Variants in ADGRL3 observed in about 807,000 individuals in gnomAD.
ADGRL3 encodes adhesion G protein-coupled receptor L3.
ADGRL3 carries 62 observed loss-of-function variants against 153.5 expected under a neutral mutation model. The ratio of observed to expected loss-of-function variants is 0.40; its 90% CI spans 0.33 to 0.50. ADGRL3 has a LOEUF of 0.50. Among genes scored for constraint, ADGRL3 ranks in the 20% least tolerant of loss-of-function variants. The probability of loss-of-function intolerance (pLI) is 0.47; values close to 1 mark genes in which losing one functional copy is unlikely to be tolerated. For synonymous variants in ADGRL3, 710 were observed against 672.5 expected (o/e 1.06, Z -0.86); for missense variants, 1,641 against 1,859.4 (o/e 0.88, Z 2.16).
chr4:61,205,219 C>T (rs1451087894), intron 1 of ADGRL3, among the ~76,000 whole-genome samples: 1 of 152,096 alleles, frequency 6.6e-6, no homozygotes, highest in East Asian at 1.9e-4. Context: ...GGATTTGGAC[C>T]ACTTTAAGTG....
intron 1 of ADGRL3, among the ~76,000 whole-genome samples, chr4:61,365,001 T>A (rs1200129036): frequency 3.3e-5 from 5 of 152,144 alleles, no homozygotes; most frequent in Admixed American, 6.6e-5. Context: ...AGAGGGATCA[T>A]TAAATACTAG....
Position 62,070,855 on chromosome 4 carries a change from A to T in ADGRL3, c.4579A>T (p.Thr1527Ser). 12 of 1,551,512 alleles carry T rather than the reference A, an allele frequency of 7.7e-6. No individual in the cohort carries two copies. Among genetic ancestry groups the T allele is most frequent in the Non-Finnish European group, 1.0e-5 (12 of 1,146,912 alleles). ...GFIVPPNKDG[T>S]PPEGSSKGPA... Reference sequence around the variant, plus strand: ...TATAGTTCCTCCAAACAAAGATGGGACCCCTCCCGAGGGAAGTTCAAAAGG... The same window carrying T: ...TATAGTTCCTCCAAACAAAGATGGGTCCCCTCCCGAGGGAAGTTCAAAAGG... The change falls in exon 27 of 27, where the codon ACC (threonine) becomes TCC (serine). Residue 1527 changes from threonine to serine, a missense_variant. Transcript: ENST00000683033.
At chr4:61,646,077 C>T (rs1376111361) in intron 5 of ADGRL3, among the ~76,000 whole-genome samples, 8 of 152,142 alleles carry the variant, frequency 5.3e-5, no homozygotes, top group South Asian at 2.1e-4. Flanking sequence ...TTGATGGCAT[C>T]GGCTCCTGAG....
intron 9 of ADGRL3, among the ~76,000 whole-genome samples, chr4:61,845,531 CTTTT>C (rs77188989): frequency 7.2e-6 from 1 of 139,340 alleles, no homozygotes; most frequent in Admixed American, 7.3e-5. Context: ...TAATTTTTTT[CTTTT>C]TTTTTTTTTT....
At chr4:61,858,051 A>G (rs1226948112) in intron 9 of ADGRL3, among the ~76,000 whole-genome samples, 1 of 152,228 alleles carries the variant, frequency 6.6e-6, no homozygotes, top group Non-Finnish European at 1.5e-5. Context: ...CATTATTGAA[A>G]GGAACAGAGG....
chr4:62,056,845 C>A (rs1234042712), intron 25 of ADGRL3, among the ~76,000 whole-genome samples: 6 of 151,898 alleles, frequency 4.0e-5, no homozygotes, highest in Non-Finnish European at 7.4e-5. Flanking sequence ...TAGGATAAAG[C>A]AAACAGGACA....
chr4:61,930,130 C>T (rs549395003), intron 13 of ADGRL3, among the ~76,000 whole-genome samples: 1 of 148,592 alleles, frequency 6.7e-6, no homozygotes, highest in South Asian at 2.1e-4. Flanking sequence ...GAGCAGAGAT[C>T]GTGCCACTGC....
chr4:61,527,051 T>G (rs2098567757), intron 4 of ADGRL3, among the ~76,000 whole-genome samples: 1 of 152,060 alleles, frequency 6.6e-6, no homozygotes, highest in Non-Finnish European at 1.5e-5. Context: ...TTGCAACACA[T>G]TTTTTAGACA....
chr4:61,416,204 A>G (rs1464827433), intron 2 of ADGRL3, among the ~76,000 whole-genome samples: 3 of 152,128 alleles, frequency 2.0e-5, no homozygotes, highest in African/African-American at 7.2e-5. Context: ...GCATATTTTT[A>G]CAAGCATAAT....
At chr4:61,490,913 A>AT (rs776044621) in intron 2 of ADGRL3, among the ~76,000 whole-genome samples, 3 of 152,192 alleles carry the variant, frequency 2.0e-5, no homozygotes, top group Non-Finnish European at 4.4e-5. Context: ...AAGGAGAAGC[A>AT]TATGTGTAGG....
chr4:61,998,794 C>G (rs2099130696), intron 21 of ADGRL3, among the ~76,000 whole-genome samples: 2 of 152,006 alleles, frequency 1.3e-5, no homozygotes. Context: ...CCAGGCTGGT[C>G]TCAAACTCCT....
At chr4:62,007,727 C>G (rs1177301637) in intron 21 of ADGRL3, among the ~76,000 whole-genome samples, 1 of 151,870 alleles carries the variant, frequency 6.6e-6, no homozygotes, top group African/African-American at 2.4e-5. Context: ...TTCTGCCTCT[C>G]CCAACCAGCC....
rs192440772 is a variant in ADGRL3 at position 61,284,859 on chromosome 4, T to C, written c.-240+83094T>C. 4.6e-5 allele frequency among the ~76,000 whole-genome samples: 7 copies of C among 151,904 alleles called. No individual in the cohort carries two copies. In the Admixed American group the frequency reaches 4.6e-4, roughly 10 times the overall value. ...CAACAAAGATATTTTTCATGCCTCT[T>C]TTCCTTACTTTCTTTTCTCCTTTTC... On this transcript the variant is annotated intron_variant, in intron 1 of 26. Coordinates refer to ENST00000683033, the MANE Select transcript of ADGRL3 (RefSeq NM_001387552.1).
At chr4:61,437,870 C>CCA (rs1309431360) in intron 2 of ADGRL3, among the ~76,000 whole-genome samples, 1 of 152,082 alleles carries the variant, frequency 6.6e-6, no homozygotes, top group Admixed American at 6.5e-5. Context: ...CAACACTTAC[C>CCA]CACACTTCAG....
chr4:61,471,482 G>T (rs950046829), intron 2 of ADGRL3, among the ~76,000 whole-genome samples: 1 of 151,654 alleles, frequency 6.6e-6, no homozygotes, highest in African/African-American at 2.4e-5. Flanking sequence ...CTTGTAGGCA[G>T]TATATCATAG....
intron 6 of ADGRL3, among the ~76,000 whole-genome samples, chr4:61,723,941 A>G (rs1182056772): frequency 6.6e-6 from 1 of 152,202 alleles, no homozygotes. Flanking sequence ...AGGATGAAAT[A>G]AAATGATTCA....
At chr4:61,465,758 A>AATATATATAAAT (rs1553936154) in intron 2 of ADGRL3, among the ~76,000 whole-genome samples, 1 of 130,178 alleles carries the variant, frequency 7.7e-6, no homozygotes, top group Non-Finnish European at 1.6e-5. Flanking sequence ...ATTATATATA[A>AATATATATAAAT]ATATATATAT....
intron 6 of ADGRL3, among the ~76,000 whole-genome samples, chr4:61,702,222 A>G (rs185414985): frequency 1.3e-5 from 2 of 152,190 alleles, no homozygotes; most frequent in African/African-American, 4.8e-5. Flanking sequence ...TCTAATTTCA[A>G]TCTCCAGACT....
intron 2 of ADGRL3, among the ~76,000 whole-genome samples, chr4:61,454,580 T>A (rs879569822): frequency 1.3e-5 from 2 of 152,120 alleles, no homozygotes; most frequent in African/African-American, 4.8e-5. Context: ...ATTGAGCTTC[T>A]TCTGAGTTTT....
Sources: allele counts gnomAD v4.1 joint callset (sites outside exome capture counted in the v4.1 genomes callset), GRCh38; gene constraint gnomAD v4.1.1; transcripts MANE v1.5; gene names NCBI Gene and HGNC (gene_info 2026-07-23, HGNC 2026-07-21).